MGAT4A: variants seen among roughly 807,000 people sequenced by gnomAD.
The protein encoded by MGAT4A is N-acetylglucosaminyltransferase IVa.
Under a neutral mutation model 74.1 loss-of-function variants are expected in MGAT4A, and 33 were observed. The observed-to-expected ratio is 0.45, with a 90% CI of 0.34 to 0.60. The LOEUF (loss-of-function observed/expected upper bound fraction) is 0.60, where lower values mean the gene tolerates loss of function less well. MGAT4A is among the 20% of genes least tolerant of loss of function. The probability of loss-of-function intolerance (pLI) is 0.02; values close to 1 mark genes in which losing one functional copy is unlikely to be tolerated. For missense variants in MGAT4A, 479 were observed against 628.3 expected (o/e 0.76, Z 2.54); for synonymous variants, 198 against 210.4 (o/e 0.94, Z 0.51).
At chr2:98,670,600 T>C (rs991927687) in intron 4 of MGAT4A, among the ~76,000 whole-genome samples, 7 of 152,352 alleles carry the variant, frequency 4.6e-5, no homozygotes, top group Middle Eastern at 3.4e-3. Context: ...AAAATGTTCA[T>C]TGCTAGCCAA....
At chr2:98,666,869 G>A (rs1382475318) in intron 4 of MGAT4A, among the ~76,000 whole-genome samples, 2 of 152,096 alleles carry the variant, frequency 1.3e-5, no homozygotes, top group Non-Finnish European at 2.9e-5. Flanking sequence ...CCATACTCTC[G>A]AGGGTTTTTG....
chr2:98,706,819 T>C (rs1702445059), intron 2 of MGAT4A, among the ~76,000 whole-genome samples: 1 of 150,898 alleles, frequency 6.6e-6, no homozygotes, highest in Non-Finnish European at 1.5e-5. Context: ...TGCCTCAGTC[T>C]AGGCAGGGCA....
chr2:98,674,239 T>C (rs919866158), intron 4 of MGAT4A, among the ~76,000 whole-genome samples: 2 of 152,198 alleles, frequency 1.3e-5, no homozygotes, highest in African/African-American at 4.8e-5. Flanking sequence ...CAAAAATGAA[T>C]CTTGATATCT....
chr2:98,674,446 A>C (rs1170260006), intron 4 of MGAT4A, among the ~76,000 whole-genome samples: 1 of 152,230 alleles, frequency 6.6e-6, no homozygotes, highest in African/African-American at 2.4e-5. Flanking sequence ...GTTTCAATAA[A>C]TCTGTCCTTA....
Position 98,678,360 on chromosome 2 carries a change from A to T in MGAT4A, c.206T>A (p.Phe69Tyr), listed in dbSNP as rs1158733415. Residue 69 changes from phenylalanine to tyrosine, a missense_variant, in exon 3 of 16, where the codon TTC (phenylalanine) becomes TAC (tyrosine). Coordinates refer to ENST00000393487, the MANE Select transcript of MGAT4A (RefSeq NM_012214.3). Reference protein sequence around the residue: ...SSELNTIVQQFKRVGAETNGS... With the variant: ...SSELNTIVQQYKRVGAETNGS... Reference sequence around the variant, plus strand: ...ATTTGTTTCTGCTCCTACACGCTTGAACTGTTGCACAATCGTATTTAATTC... The same window carrying T: ...ATTTGTTTCTGCTCCTACACGCTTGTACTGTTGCACAATCGTATTTAATTC... The T allele has an allele frequency of 6.4e-7, 1 of 1,561,304 alleles. No individual in the cohort carries two copies. Among genetic ancestry groups the T allele is most frequent in the East Asian group, 2.2e-5 (1 of 44,446 alleles).
chr2:98,656,222 TTAA>T (rs1167686259), intron 7 of MGAT4A, 127 bp downstream of exon 7: 1 of 713,678 alleles, frequency 1.4e-6, no homozygotes, highest in Non-Finnish European at 2.4e-6. Flanking sequence ...GGTCCTGGAC[TTAA>T]TGAGACTTAC....
chr2:98,635,355 T>C, intron 13 of MGAT4A, 67 bp from the exon 14 acceptor site: 1 of 1,135,830 alleles, frequency 8.8e-7, no homozygotes, highest in Non-Finnish European at 1.2e-6. Flanking sequence ...TATTAATATA[T>C]CTTAATATAG....
In MGAT4A at chr2:98,716,176, C is replaced by A. The variant is rs553933477; in HGVS notation, c.94+10063G>T. ...TCTACAAAAAATTTTTGCAATTAGC[C>A]GGGCATGGTAGTGCATGCCTGTGGG... On this transcript the variant is annotated intron_variant, in intron 2 of 15. Transcript: ENST00000393487. Among the ~76,000 whole-genome samples the A allele has an allele frequency of 9.9e-5, 15 of 151,556 alleles. No homozygotes were observed. The South Asian group carries it at 3.1e-3, about 32-fold the overall frequency.
At chr2:98,638,646 C>G (rs998986961) in intron 12 of MGAT4A, among the ~76,000 whole-genome samples, 1 of 152,226 alleles carries the variant, frequency 6.6e-6, no homozygotes, top group African/African-American at 2.4e-5. Context: ...CAAATAAATG[C>G]TCATGCAAGT....
Position 98,678,249 on chromosome 2 carries a change from A to AATAT in MGAT4A, c.262+51_262+54dup, listed in dbSNP as rs1553538281. The AATAT allele has an allele frequency of 3.5e-3, 928 of 262,836 alleles. 5 individuals carry two copies. Among genetic ancestry groups the AATAT allele is most frequent in the Admixed American group, 4.6e-3 (55 of 12,000 alleles). 16.3% of individuals were successfully genotyped at this position (262,836 alleles called of 1,614,324 possible). ...TGTCTCAAAGAAAAAAAAAAAAAAA[A>AATAT]ATATATATATATATATATAAAATCT... On this transcript the variant is annotated intron_variant, in intron 3 of 15. Coordinates refer to ENST00000393487, the MANE Select transcript of MGAT4A (RefSeq NM_012214.3).
chr2:98,705,519 C>A (rs1292192164), intron 2 of MGAT4A, among the ~76,000 whole-genome samples: 1 of 152,236 alleles, frequency 6.6e-6, no homozygotes, highest in East Asian at 1.9e-4. Context: ...CCTTTACTCT[C>A]AAGTGCCCTG....
At chr2:98,682,981 G>A (rs1257754246) in intron 2 of MGAT4A, among the ~76,000 whole-genome samples, 5 of 152,004 alleles carry the variant, frequency 3.3e-5, no homozygotes, top group Non-Finnish European at 7.4e-5. Context: ...CCAGCTATGC[G>A]GGAAGCTGAG....
chr2:98,660,459 A>ACACAC (rs1156443972), intron 5 of MGAT4A, among the ~76,000 whole-genome samples: 1 of 108,052 alleles, frequency 9.3e-6, no homozygotes, highest in Non-Finnish European at 2.4e-5. Context: ...CACACACACA[A>ACACAC]CAAATAGCCA....
chr2:98,697,529 T>A (rs1453432701), intron 2 of MGAT4A, among the ~76,000 whole-genome samples: 1 of 152,164 alleles, frequency 6.6e-6, no homozygotes, highest in East Asian at 1.9e-4. Context: ...ATAATACCAA[T>A]GTCAATTTCC....
At position 98,626,961 on chromosome 2, in the gene MGAT4A, T is replaced by C. The variant is rs567642512; in HGVS notation, c.1469-1126A>G. Among the ~76,000 whole-genome samples the C allele has an allele frequency of 2.6e-5, 4 of 152,364 alleles. No individual in the cohort carries two copies. The East Asian group carries it at 5.8e-4, about 22-fold the overall frequency. On this transcript the variant is annotated intron_variant, in intron 14 of 15. Coordinates refer to ENST00000393487, the MANE Select transcript of MGAT4A (RefSeq NM_012214.3). The stretch of plus-strand genomic sequence containing the variant: ...ACATGCATCCCTTGGGAGGCACTTA[T>C]GGAATTCTATTTGATTTTCCTTTTG...
At chr2:98,702,681 C>A (rs544019526) in intron 2 of MGAT4A, among the ~76,000 whole-genome samples, 2 of 152,214 alleles carry the variant, frequency 1.3e-5, no homozygotes, top group Non-Finnish European at 2.9e-5. Flanking sequence ...GAAGGGAGCC[C>A]TACCGGCTCG....
chr2:98,634,284 C>T (rs1275664721), intron 14 of MGAT4A, among the ~76,000 whole-genome samples: 1 of 151,996 alleles, frequency 6.6e-6, no homozygotes, highest in Non-Finnish European at 1.5e-5. Context: ...AGCAGGGAAG[C>T]GAGGCCATTA....
rs547072001 is a variant in MGAT4A, at chr2:98,637,613, A to T, written c.1323-1018T>A. Among the ~76,000 whole-genome samples, 8 of 152,284 alleles carry T rather than the reference A, an allele frequency of 5.3e-5. No homozygotes were observed. The South Asian group carries it at 1.0e-3, about 20-fold the overall frequency. ...GGGAAGGGAGGAAACTAGGTCAGAC[A>T]TGCAAAGTATGTCTGAATCTAAACC... On this transcript the variant is annotated intron_variant, in intron 12 of 15. Transcript: ENST00000393487.
At chr2:98,696,480 A>G (rs1313903747) in intron 2 of MGAT4A, among the ~76,000 whole-genome samples, 1 of 152,226 alleles carries the variant, frequency 6.6e-6, no homozygotes, top group Non-Finnish European at 1.5e-5. Flanking sequence ...CTGCCTTTGC[A>G]GTTCTGGTAT....
Sources: allele counts gnomAD v4.1 joint callset (sites outside exome capture counted in the v4.1 genomes callset), GRCh38; gene constraint gnomAD v4.1.1; transcripts MANE v1.5; gene names NCBI Gene and HGNC (gene_info 2026-07-23, HGNC 2026-07-21).